The following LRP2 variants were observed in gnomAD, a reference collection of about 807,000 sequenced individuals.
LRP2 encodes the protein LDL receptor related protein 2.
Under a neutral mutation model 531.0 loss-of-function variants are expected in LRP2, and 172 were observed. That is an observed-to-expected ratio of 0.32 (90% CI 0.29 to 0.37). The LOEUF (loss-of-function observed/expected upper bound fraction) is 0.37, where lower values mean the gene tolerates loss of function less well. LRP2 is among the 10% of genes least tolerant of loss of function. LRP2 has a pLI of 1.00. For synonymous variants in LRP2, 1,992 were observed against 2,027.6 expected, an observed-to-expected ratio of 0.98 and a Z score of 0.47; for missense variants, 5,167 against 5,868.3, an observed-to-expected ratio of 0.88 and a Z score of 3.90.
In LRP2 at chr2:169,185,707, A is replaced by G. The variant is rs1687611990; in HGVS notation, c.9641T>C (p.Ile3214Thr). 1 of 1,614,036 alleles carries G rather than the reference A, an allele frequency of 6.2e-7. No individual in the cohort carries two copies. The highest frequency in any genetic ancestry group is 8.5e-7 in the Non-Finnish European group (1 of 1,180,028). ...GATGAGGGAGTAAAAATAGCCATCTATAGTTAAATTTCTCAAATAGTAACG... is the reference window on the plus strand; with the variant it reads ...GATGAGGGAGTAAAAATAGCCATCTGTAGTTAAATTTCTCAAATAGTAACG... ...SNRYYLRNLT[I>T]DGYFYSLILE... Residue 3214 changes from isoleucine (I) to threonine (T), a missense_variant, in exon 50 of 79, where the codon ATA becomes ACA. Coordinates refer to ENST00000649046, the MANE Select transcript of LRP2 (RefSeq NM_004525.3).
intron 30 of LRP2, among the ~76,000 whole-genome samples, chr2:169,232,519 C>T (rs1321121193): frequency 6.6e-6 from 1 of 151,932 alleles, no homozygotes; most frequent in Non-Finnish European, 1.5e-5. Flanking sequence ...AGTATATATT[C>T]GAGCAAAAAG....
chr2:169,361,350 GTCTC>G (rs1216824209), intron 1 of LRP2, among the ~76,000 whole-genome samples: 256 of 21,980 alleles, frequency 0.012, 2 homozygotes, highest in African/African-American at 0.044. Context: ...GTCTCTCTCT[GTCTC>G]TCTCTCTCTC....
At chr2:169,138,292 CA>C (rs1685591578) in intron 75 of LRP2, among the ~76,000 whole-genome samples, 1 of 152,066 alleles carries the variant, frequency 6.6e-6, no homozygotes, top group Non-Finnish European at 1.5e-5. Context: ...ACACCACCCT[CA>C]AAAAAACCAG....
rs573037012 is a variant in LRP2, at chr2:169,209,742, T to C, written c.6281-101A>G. ...AACCCTCATTCCCAACCCCCTGCTC[T>C]GAGCATCTCCCCATTACAAAATGAA... On this transcript the variant is annotated intron_variant, in intron 37 of 78. Coordinates refer to ENST00000649046, the MANE Select transcript of LRP2 (RefSeq NM_004525.3). 6 of 1,095,112 alleles carry C rather than the reference T, an allele frequency of 5.5e-6. No individual in the cohort carries two copies. The African/African-American group carries it at 9.3e-5, about 17-fold the overall frequency. The allele number at this position is 1,095,112 out of a possible 1,614,324, so 67.8% of individuals were successfully genotyped here.
At chr2:169,316,996 G>T (rs1010835299) in intron 3 of LRP2, among the ~76,000 whole-genome samples, 3 of 152,138 alleles carry the variant, frequency 2.0e-5, no homozygotes, top group African/African-American at 7.2e-5. Flanking sequence ...GTGCCCATTG[G>T]CAATCAGGAG....
intron 33 of LRP2, among the ~76,000 whole-genome samples, chr2:169,223,110 G>A (rs1051225540): frequency 2.6e-5 from 4 of 152,124 alleles, no homozygotes; most frequent in African/African-American, 9.7e-5. Context: ...GCATTTCCTA[G>A]TGCTCATTAA....
At chr2:169,341,531 C>T (rs918166938) in intron 1 of LRP2, among the ~76,000 whole-genome samples, 4 of 152,044 alleles carry the variant, frequency 2.6e-5, no homozygotes, top group African/African-American at 4.8e-5. Context: ...TGCTTGGAGG[C>T]GATAACTTGT....
intron 4 of LRP2, among the ~76,000 whole-genome samples, chr2:169,306,269 C>T (rs972012661): frequency 1.2e-4 from 19 of 152,298 alleles, no homozygotes; most frequent in African/African-American, 4.6e-4. Flanking sequence ...CACAGTGGCT[C>T]ATGCCTGTAA....
chr2:169,162,862 T>C (rs565728000), intron 62 of LRP2, among the ~76,000 whole-genome samples: 30 of 152,340 alleles, frequency 2.0e-4, no homozygotes, highest in African/African-American at 6.7e-4. Context: ...GCAGCAACCT[T>C]GGAAGCCATG....
At position 169,176,408 on chromosome 2, in the gene LRP2, T is replaced by C. The variant is rs777737245; in HGVS notation, c.10571+3A>G. On this transcript the variant is annotated splice_donor_region_variant and intron_variant, in intron 54 of 78. Transcript: ENST00000649046. The stretch of plus-strand genomic sequence containing the variant: ...ACTGAGGAGAGGGGAAAGAGAGCCT[T>C]ACTTTTCATTGTTAGCGCACAGGAA... 8.1e-6 allele frequency: 13 copies of C among 1,614,162 alleles called. 1 individual carries two copies. The highest frequency in any genetic ancestry group is 5.5e-5 in the South Asian group (5 of 91,084).
At chr2:169,284,477 G>C (rs186771757) in intron 9 of LRP2, among the ~76,000 whole-genome samples, 14 of 151,994 alleles carry the variant, frequency 9.2e-5, no homozygotes, top group African/African-American at 3.4e-4. Context: ...ATGTTGGCCA[G>C]GCTGGTCTCA....
chr2:169,307,081 G>A lies in LRP2; in HGVS notation c.427+200C>T, dbSNP rs994975706. Among the ~76,000 whole-genome samples the A allele has an allele frequency of 4.6e-5, 7 of 152,140 alleles. No homozygotes were observed. The East Asian group carries it at 1.3e-3, about 29-fold the overall frequency. On this transcript the variant is annotated intron_variant, in intron 4 of 78. Transcript: ENST00000649046. The stretch of plus-strand genomic sequence containing the variant: ...ACAGAAACTTGATGCACTAAGGCAG[G>A]ACACTCTTAGAATGTCTTGTTAAAA...
At chr2:169,188,527 G>A (rs146901759) in intron 48 of LRP2, among the ~76,000 whole-genome samples, 1 of 152,234 alleles carries the variant, frequency 6.6e-6, no homozygotes, top group East Asian at 1.9e-4. Context: ...ACCATTAAAT[G>A]CTACCATTTA....
intron 50 of LRP2, among the ~76,000 whole-genome samples, chr2:169,184,432 T>C (rs1011924584): frequency 6.6e-6 from 1 of 152,134 alleles, no homozygotes; most frequent in Non-Finnish European, 1.5e-5. Context: ...GAGTCAAATA[T>C]AAGGATGTGG....
chr2:169,216,342 G>C lies in LRP2; in HGVS notation c.5737C>G (p.Leu1913Val), dbSNP rs151079759. 4.1e-5 allele frequency: 66 copies of C among 1,613,648 alleles called. 1 individual carries two copies. In the African/African-American group the frequency reaches 7.1e-4, roughly 17 times the overall value. Residue 1913 changes from leucine to valine, a missense_variant, in exon 35 of 79, where the codon CTC becomes GTC. By Grantham distance (32) the Leu-to-Val change is conservative. Coordinates refer to ENST00000649046, the MANE Select transcript of LRP2 (RefSeq NM_004525.3). Reference protein sequence around the residue: ...ANMDGTSVKTLFTGNLEHLEC... With the variant: ...ANMDGTSVKTVFTGNLEHLEC... ...AGGTGTTCGAGGTTCCCAGTAAAGAGAGTTTTCACAGATGTGCCATCCATG... is the reference window on the plus strand; with the variant it reads ...AGGTGTTCGAGGTTCCCAGTAAAGACAGTTTTCACAGATGTGCCATCCATG...
At chr2:169,154,685 C>T in intron 65 of LRP2, 82 bp from the exon 66 acceptor site, 1 of 1,228,268 alleles carries the variant, frequency 8.1e-7, no homozygotes. Flanking sequence ...ACAGTATGTA[C>T]CTGTCCCCTT....
At chr2:169,257,833 A>C (rs906550587) in intron 17 of LRP2, among the ~76,000 whole-genome samples, 31 of 150,224 alleles carry the variant, frequency 2.1e-4, no homozygotes, top group East Asian at 5.8e-4. Flanking sequence ...AACAAAAAAA[A>C]AAAACACAAA....
chr2:169,180,953 A>G (rs942430669), intron 52 of LRP2, among the ~76,000 whole-genome samples: 7 of 152,242 alleles, frequency 4.6e-5, no homozygotes, highest in Non-Finnish European at 2.9e-5. Flanking sequence ...ATGCCTTATC[A>G]TATTGGATTA....
At chr2:169,185,407 T>C in intron 50 of LRP2, 96 bp downstream of exon 50, 1 of 1,273,040 alleles carries the variant, frequency 7.9e-7, no homozygotes, top group East Asian at 2.5e-5. Flanking sequence ...ATCTGCATAT[T>C]AACCCAAGTT....
Sources: gnomAD v4.1 joint callset for allele counts (sites outside exome capture counted in the v4.1 genomes callset) on GRCh38, gnomAD v4.1.1 for gene constraint, MANE v1.5 for transcripts, NCBI Gene and HGNC (gene_info 2026-07-23, HGNC 2026-07-21) for gene names.